Variants in RB1 observed in about 807,000 individuals in gnomAD.
The protein encoded by RB1 is retinoblastoma-associated protein.
RB1 carries 18 observed loss-of-function variants against 135.4 expected under a neutral mutation model. The ratio of observed to expected loss-of-function variants is 0.13; its 90% CI spans 0.09 to 0.20. The LOEUF (loss-of-function observed/expected upper bound fraction) is 0.20, where lower values mean the gene tolerates loss of function less well. RB1 is among the 10% of genes least tolerant of loss of function. The pLI, the probability that RB1 is intolerant of heterozygous loss-of-function variation, is 1.00. For missense variants in RB1, 868 were observed against 1,110.0 expected, an observed-to-expected ratio of 0.78 and a Z score of 3.10; for synonymous variants, 365 against 373.2, an observed-to-expected ratio of 0.98 and a Z score of 0.25.
chr13:48,362,349 A>G (rs1038690504), intron 7 of RB1, among the ~76,000 whole-genome samples: 7 of 151,872 alleles, frequency 4.6e-5, no homozygotes, highest in African/African-American at 1.7e-4. Flanking sequence ...TTATCATATT[A>G]TTATATTTAC....
At chr13:48,350,613 G>A (rs1174319866) in intron 6 of RB1, among the ~76,000 whole-genome samples, 2 of 152,134 alleles carry the variant, frequency 1.3e-5, no homozygotes, top group African/African-American at 2.4e-5. Flanking sequence ...GGGTACATGT[G>A]ATGGTTTGTT....
At chr13:48,380,005 G>A (rs1223915408) in intron 14 of RB1, 48 bp from the exon 15 acceptor site, 3 of 1,077,652 alleles carry the variant, frequency 2.8e-6, no homozygotes, top group South Asian at 1.7e-5. Context: ...CACAAATAAG[G>A]TTTCAATTAA....
chr13:48,309,292 A>G (rs1246352428), intron 2 of RB1, among the ~76,000 whole-genome samples: 1 of 152,226 alleles, frequency 6.6e-6, no homozygotes, highest in African/African-American at 2.4e-5. Flanking sequence ...TAGTAGTATA[A>G]GAGTATATAT....
intron 24 of RB1, among the ~76,000 whole-genome samples, chr13:48,474,690 G>C (rs1368379357): frequency 6.6e-6 from 1 of 151,966 alleles, no homozygotes; most frequent in East Asian, 1.9e-4. Flanking sequence ...GGAATTGTTT[G>C]CATGAGATCC....
chr13:48,406,339 A>C (rs1304667209), intron 17 of RB1, among the ~76,000 whole-genome samples: 1 of 152,206 alleles, frequency 6.6e-6, no homozygotes, highest in African/African-American at 2.4e-5. Flanking sequence ...AAGTAATGAC[A>C]TTAAAATATT....
chr13:48,435,459 C>T (rs891313447), intron 17 of RB1, among the ~76,000 whole-genome samples: 13 of 152,040 alleles, frequency 8.6e-5, no homozygotes, highest in African/African-American at 3.1e-4. Flanking sequence ...TATATGTTCT[C>T]AATACTAGTC....
chr13:48,339,422 C>G (rs900023449), intron 2 of RB1, among the ~76,000 whole-genome samples: 2 of 152,240 alleles, frequency 1.3e-5, no homozygotes, highest in Non-Finnish European at 2.9e-5. Flanking sequence ...TGATCTCAGA[C>G]TGCTGTGCTA....
rs1286975378 is a variant in RB1, at chr13:48,364,921, A to T, written c.889A>T (p.Ile297Leu). Residue 297 changes from isoleucine to leucine, a missense_variant, in exon 9 of 27, where the codon ATA becomes TTA. By Grantham distance (5) the Ile-to-Leu change is conservative (BLOSUM62 2). Transcript: ENST00000267163. ...GAAAAATGTTTATTTCAAAAATTTT[A>T]TACCTTTTATGAATTCTCTTGGACT... The part of the protein sequence containing the change: ...EVKNVYFKNF[I>L]PFMNSLGLVT... The T allele has an allele frequency of 6.4e-7, 1 of 1,565,108 alleles. No individual in the cohort carries two copies. The highest frequency in any genetic ancestry group is 1.8e-5 in the Admixed American group (1 of 55,824).
intron 17 of RB1, among the ~76,000 whole-genome samples, chr13:48,391,836 C>G (rs1948613121): frequency 6.6e-6 from 1 of 152,034 alleles, no homozygotes; most frequent in South Asian, 2.1e-4. Context: ...TCAGGCTGGT[C>G]TCGAACTCCT....
At chr13:48,376,864 T>C in intron 12 of RB1, 54 bp from the exon 13 acceptor site, 1 of 1,609,112 alleles carries the variant, frequency 6.2e-7, no homozygotes, top group Non-Finnish European at 8.5e-7. Context: ...CAGAAAATAT[T>C]AATTCTGATT....
intron 17 of RB1, among the ~76,000 whole-genome samples, chr13:48,430,376 C>T (rs149029718): frequency 2.0e-5 from 3 of 152,158 alleles, no homozygotes; most frequent in African/African-American, 7.2e-5. Flanking sequence ...GATCAATAAT[C>T]TCAATAAAAA....
intron 17 of RB1, among the ~76,000 whole-genome samples, chr13:48,446,937 A>G (rs1233623259): frequency 1.3e-5 from 2 of 152,210 alleles, no homozygotes; most frequent in South Asian, 2.1e-4. Flanking sequence ...GTAACATATT[A>G]GCTCTATGAG....
At chr13:48,340,698 T>C (rs972540013) in intron 2 of RB1, 42 of 174,244 alleles carry the variant, frequency 2.4e-4, no homozygotes, top group Non-Finnish European at 4.1e-4. Context: ...ATTTAAAGAC[T>C]ATGGTAGTTG....
chr13:48,374,416 G>C (rs1004082596), intron 12 of RB1, among the ~76,000 whole-genome samples: 4 of 152,166 alleles, frequency 2.6e-5, no homozygotes, highest in Non-Finnish European at 4.4e-5. Flanking sequence ...CAGCAACTGT[G>C]CTTTTTGTAC....
chr13:48,452,601 TGTTA>T (rs2138326437), intron 17 of RB1, among the ~76,000 whole-genome samples: 1 of 152,232 alleles, frequency 6.6e-6, no homozygotes, highest in East Asian at 1.9e-4. Context: ...ACTGGAGATT[TGTTA>T]GTTATTTCAA....
chr13:48,376,499 C>CAAA (rs751662834), intron 12 of RB1, among the ~76,000 whole-genome samples: 15 of 65,900 alleles, frequency 2.3e-4, no homozygotes, highest in South Asian at 1.2e-3. Context: ...CACTTCATCT[C>CAAA]AAAAAAAAAA....
At chr13:48,442,473 T>C (rs1949247815) in intron 17 of RB1, among the ~76,000 whole-genome samples, 1 of 152,258 alleles carries the variant, frequency 6.6e-6, no homozygotes, top group Non-Finnish European at 1.5e-5. Context: ...ATTTTTGTCT[T>C]ATTTCAGTTA....
At chr13:48,412,698 A>G in intron 17 of RB1, 1 of 485,526 alleles carries the variant, frequency 2.1e-6, no homozygotes, top group Non-Finnish European at 3.9e-6. Flanking sequence ...ACTGACGAGC[A>G]ACCTTTAAAA....
intron 18 of RB1, among the ~76,000 whole-genome samples, chr13:48,454,224 A>G (rs1035225771): frequency 1.3e-5 from 2 of 152,228 alleles, no homozygotes; most frequent in African/African-American, 4.8e-5. Flanking sequence ...CAGGCTCTTA[A>G]TCACTCTAAC....
Sources: allele counts gnomAD v4.1 joint callset (sites outside exome capture counted in the v4.1 genomes callset), GRCh38; gene constraint gnomAD v4.1.1; transcripts MANE v1.5; gene names NCBI Gene and HGNC (gene_info 2026-07-23, HGNC 2026-07-21).